Variants in DNAH7 observed in about 807,000 individuals in gnomAD.
DNAH7 encodes the protein dynein axonemal heavy chain 7.
A neutral mutation model predicts 444.6 loss-of-function variants in DNAH7; 397 were observed. That is an observed-to-expected ratio of 0.89 (90% CI 0.82 to 0.97). DNAH7 has a LOEUF of 0.97. Among genes scored for constraint, DNAH7 ranks in the 50% least tolerant of loss-of-function variants. The pLI, the probability that DNAH7 is intolerant of heterozygous loss-of-function variation, is 0.00. For synonymous variants in DNAH7, 1,636 were observed against 1,624.4 expected (o/e 1.01, Z -0.17); for missense variants, 4,902 against 4,800.8 (o/e 1.02, Z -0.62).
At chr2:196,068,588 G>T (rs1318345271) in intron 1 of DNAH7, 109 bp downstream of exon 1, 2 of 1,413,568 alleles carry the variant, frequency 1.4e-6, no homozygotes, top group Non-Finnish European at 1.9e-6. Flanking sequence ...GCTGTACACC[G>T]CGGAGTCACA....
In DNAH7 at chr2:195,941,279, C is replaced by T. The variant is rs956529157; in HGVS notation, c.3079-4487G>A. 2.0e-5 allele frequency among the ~76,000 whole-genome samples: 3 copies of T among 151,930 alleles called. No individual in the cohort carries two copies. In the East Asian group the frequency reaches 5.8e-4, roughly 29 times the overall value. ...AGCAAACTAACACAGGAACAGAAAACCAAACACTGCATGTTCTCACTCATA... is the reference window on the plus strand; with the variant it reads ...AGCAAACTAACACAGGAACAGAAAATCAAACACTGCATGTTCTCACTCATA... On this transcript the variant is annotated intron_variant, in intron 19 of 64. Transcript: ENST00000312428.
intron 19 of DNAH7, among the ~76,000 whole-genome samples, chr2:195,939,850 T>C (rs1176960892): frequency 6.6e-6 from 1 of 150,818 alleles, no homozygotes; most frequent in African/African-American, 2.4e-5. Context: ...TACGGTTTTG[T>C]CACTGCTCAA....
At chr2:195,843,956 C>T (rs928856930) in intron 47 of DNAH7, among the ~76,000 whole-genome samples, 4 of 151,966 alleles carry the variant, frequency 2.6e-5, no homozygotes, top group South Asian at 2.1e-4. Flanking sequence ...ATTAGCCGGG[C>T]GTGGTGGCAG....
intron 48 of DNAH7, among the ~76,000 whole-genome samples, chr2:195,832,854 A>C (rs1388806837): frequency 6.6e-6 from 1 of 152,224 alleles, no homozygotes; most frequent in East Asian, 1.9e-4. Flanking sequence ...AATATGATAC[A>C]CATAAATCAT....
rs765456809 is a variant in DNAH7, at chr2:196,026,865, C to T, written c.562G>A (p.Val188Ile). 8.2e-5 allele frequency: 132 copies of T among 1,612,078 alleles called. 1 individual carries two copies. The highest frequency in any genetic ancestry group is 6.4e-4 in the South Asian group (58 of 91,002). ...AGATGTTGTGGAACTAAATCCAGTA[C>T]GTGTTCTAGCCAAGAATCTTCCATT... ...APMEDSWLEH[V>I]LDLVPQHLKV... Residue 188 changes from valine to isoleucine, a missense_variant, in exon 7 of 65, where the codon GTA (valine) becomes ATA (isoleucine). By Grantham distance (29) the Val-to-Ile change is conservative (BLOSUM62 3). Transcript: ENST00000312428.
chr2:195,991,043 T>C (rs1042502851), intron 12 of DNAH7, among the ~76,000 whole-genome samples: 1 of 149,880 alleles, frequency 6.7e-6, no homozygotes, highest in Non-Finnish European at 1.5e-5. Context: ...TTTTTCAAAT[T>C]ACACCCATTT....
At chr2:195,975,581 T>C (rs1210878175) in intron 15 of DNAH7, among the ~76,000 whole-genome samples, 2 of 150,586 alleles carry the variant, frequency 1.3e-5, no homozygotes, top group African/African-American at 4.9e-5. Context: ...CCTAGTGATA[T>C]ACCTAGCTAA....
chr2:195,799,507 T>A (rs749070189), intron 54 of DNAH7, 35 bp from the exon 55 acceptor site: 81 of 1,492,452 alleles, frequency 5.4e-5, no homozygotes, highest in Admixed American at 3.9e-4. Flanking sequence ...GGAAGAATAT[T>A]CAAAATCTGC....
chr2:195,947,660 A>G (rs995542899), intron 19 of DNAH7, among the ~76,000 whole-genome samples: 2 of 152,250 alleles, frequency 1.3e-5, no homozygotes, highest in East Asian at 1.9e-4. Flanking sequence ...TCCATGGTGT[A>G]TATGTGCCAC....
intron 19 of DNAH7, among the ~76,000 whole-genome samples, chr2:195,938,171 A>G (rs571020689): frequency 5.9e-5 from 9 of 152,200 alleles, no homozygotes; most frequent in Admixed American, 5.9e-4. Context: ...GATTACAACA[A>G]TGCAATTTGG....
intron 36 of DNAH7, among the ~76,000 whole-genome samples, chr2:195,879,308 AAAAG>A (rs1241000903): frequency 1.3e-5 from 2 of 152,308 alleles, no homozygotes; most frequent in East Asian, 3.9e-4. Flanking sequence ...AATGAAAACA[AAAAG>A]AAAGCAAAAG....
rs1209203569 is a variant in DNAH7 at position 196,000,758 on chromosome 2, C to T, written c.1299G>A (p.Met433Ile). The change falls in exon 12 of 65, where the codon ATG (methionine) becomes ATA (isoleucine). Residue 433 changes from methionine (M) to isoleucine (I), a missense_variant. By Grantham distance (10) the Met-to-Ile change is conservative. Coordinates refer to ENST00000312428, the MANE Select transcript of DNAH7 (RefSeq NM_018897.3). ...IDIFLNVYDV[M>I]IKAVSFVPRV... Reference sequence around the variant, plus strand: ...TTGGCACAAAACTGACAGCTTTAATCATGACGTCATAAACATTTAGAAAGA... The same window carrying T: ...TTGGCACAAAACTGACAGCTTTAATTATGACGTCATAAACATTTAGAAAGA... 6.3e-7 allele frequency: 1 copy of T among 1,595,294 alleles called. No individual in the cohort carries two copies. Among genetic ancestry groups the T allele is most frequent in the South Asian group, 1.2e-5 (1 of 86,812 alleles).
chr2:195,926,494 T>C lies in DNAH7; in HGVS notation c.3544A>G (p.Thr1182Ala), dbSNP rs1688343362. The C allele has an allele frequency of 1.9e-6, 3 of 1,607,724 alleles. No individual in the cohort carries two copies. Among genetic ancestry groups the C allele is most frequent in the Admixed American group, 1.7e-5 (1 of 58,736 alleles). ...AAGATTTGGGATACACAGAGAACAG[T>C]CTGTCCAGGCCAATCCCTTACCCAG... ...INWVRDWPGQ[T>A]VLCVSQIFWT... The change falls in exon 22 of 65, where the codon ACT becomes GCT. Residue 1182 changes from threonine (T) to alanine (A), a missense_variant. By Grantham distance (58) the Thr-to-Ala change is moderately conservative (BLOSUM62 0). Coordinates refer to ENST00000312428, the MANE Select transcript of DNAH7 (RefSeq NM_018897.3).
At chr2:196,051,668 G>T (rs1697479385) in intron 2 of DNAH7, among the ~76,000 whole-genome samples, 3 of 152,142 alleles carry the variant, frequency 2.0e-5, no homozygotes, top group Admixed American at 2.0e-4. Flanking sequence ...TTGGGAGACT[G>T]AGGCAGGAGA....
chr2:195,755,978 C>T (rs1451814121), intron 62 of DNAH7, among the ~76,000 whole-genome samples, 155 bp downstream of exon 62: 1 of 152,158 alleles, frequency 6.6e-6, no homozygotes, highest in Non-Finnish European at 1.5e-5. Flanking sequence ...TTCAGTGTAG[C>T]AGTTACATAC....
At chr2:195,933,702 G>C (rs1033091573) in intron 21 of DNAH7, among the ~76,000 whole-genome samples, 1 of 132,000 alleles carries the variant, frequency 7.6e-6, no homozygotes, top group Non-Finnish European at 1.5e-5. Context: ...TGAACAATGA[G>C]AACACATGGA....
chr2:196,022,601 C>T (rs868829028), intron 8 of DNAH7, among the ~76,000 whole-genome samples: 108 of 152,224 alleles, frequency 7.1e-4, no homozygotes, highest in African/African-American at 2.5e-3. Context: ...GTCACATCTT[C>T]AGGCTCCACT....
chr2:196,063,582 A>G (rs1279182011), intron 1 of DNAH7: 1 of 152,230 alleles, frequency 6.6e-6, no homozygotes, highest in Non-Finnish European at 1.5e-5. Context: ...ATGGCCAAGT[A>G]CTGGGTTTTA....
Position 195,817,725 on chromosome 2 carries a change from GGCTT to G in DNAH7, c.9392_9395del (p.Gln3131ProfsTer2), listed in dbSNP as rs1368240016. The stretch of plus-strand genomic sequence containing the variant: ...TATTTTCAGCTCCTTGTAATATCAA[GGCTT>G]GCTTTTCTTCTTCAAGGTCTGGCCT... On this transcript the variant is annotated frameshift_variant, in exon 50 of 65. Coordinates refer to ENST00000312428, the MANE Select transcript of DNAH7 (RefSeq NM_018897.3). LOFTEE classifies it high-confidence loss of function. 1.2e-6 allele frequency: 2 copies of G among 1,611,086 alleles called. No individual in the cohort carries two copies. The highest frequency in any genetic ancestry group is 1.7e-5 in the Admixed American group (1 of 59,428).
Sources: gnomAD v4.1 joint callset for allele counts (sites outside exome capture counted in the v4.1 genomes callset) on GRCh38, gnomAD v4.1.1 for gene constraint, MANE v1.5 for transcripts, NCBI Gene and HGNC (gene_info 2026-07-23, HGNC 2026-07-21) for gene names.